Variants in SHISAL1 observed in about 807,000 individuals in gnomAD.
SHISAL1 encodes shisa like 1, also known as protein shisa-like-1.
In SHISAL1, 9 loss-of-function variants were observed where a neutral mutation model predicts 22.6. That is an observed-to-expected ratio of 0.40 (90% CI 0.24 to 0.70). SHISAL1 has a LOEUF of 0.70. SHISAL1 is among the 30% of genes least tolerant of loss of function. The pLI, the probability that SHISAL1 is intolerant of heterozygous loss-of-function variation, is 0.39. For missense variants in SHISAL1, 246 were observed against 270.6 expected (o/e 0.91, Z 0.64); for synonymous variants, 119 against 115.4 (o/e 1.03, Z -0.20).
At chr22:44,302,069 A>G (rs7291904) in intron 1 of SHISAL1, among the ~76,000 whole-genome samples, 122 of 152,254 alleles carry the variant, frequency 8.0e-4, no homozygotes, top group Non-Finnish European at 1.4e-3. Context: ...AGTGGCCCAC[A>G]CCACCCAGGC....
intron 1 of SHISAL1, among the ~76,000 whole-genome samples, chr22:44,304,066 C>T (rs1408789379): frequency 6.6e-6 from 1 of 152,230 alleles, no homozygotes; most frequent in African/African-American, 2.4e-5. Context: ...AGCCCCTCTG[C>T]ATGCCCAGAC....
At chr22:44,318,160 C>A in the SHISAL1 span, among the ~76,000 whole-genome samples, 2 of 152,392 alleles carry the variant, frequency 1.3e-5, no homozygotes, top group South Asian at 4.1e-4. Context: ...GTCCTCTCTG[C>A]AGGCCCGATG....
chr22:44,294,121 G>A (rs2055370601), intron 3 of SHISAL1, among the ~76,000 whole-genome samples: 1 of 152,200 alleles, frequency 6.6e-6, no homozygotes, highest in Non-Finnish European at 1.5e-5. Context: ...CACTACCCTC[G>A]TCTCTCAGGG....
intron 1 of SHISAL1, among the ~76,000 whole-genome samples, chr22:44,302,423 AT>A (rs397787699): frequency 3.3e-4 from 50 of 151,960 alleles, no homozygotes; most frequent in South Asian, 1.7e-3. Context: ...ATAAAAAAAA[AT>A]TTTTAATGTT....
At chr22:44,281,152 C>T (rs184685634) in intron 4 of SHISAL1, among the ~76,000 whole-genome samples, 4 of 152,228 alleles carry the variant, frequency 2.6e-5, no homozygotes, top group East Asian at 1.9e-4. Context: ...GACCAGGGCC[C>T]GCCACCTGAG....
At chr22:44,264,499 G>A (rs1254413609) in intron 4 of SHISAL1, among the ~76,000 whole-genome samples, 1 of 152,024 alleles carries the variant, frequency 6.6e-6, no homozygotes, top group African/African-American at 2.4e-5. Flanking sequence ...CTGCAAACCT[G>A]TCCTCCTTGC....
Position 44,295,466 on chromosome 22 carries a change from T to C in SHISAL1, c.281+1206A>G, listed in dbSNP as rs571982583. On this transcript the variant is annotated intron_variant, in intron 3 of 4. Coordinates refer to ENST00000381176, the MANE Select transcript of SHISAL1 (RefSeq NM_001099294.2). ...AGAAAACATGGTATTTTTAATGACCTCAGAGCAGGAAACACCTTTCTTAGT... is the reference window on the plus strand; with the variant it reads ...AGAAAACATGGTATTTTTAATGACCCCAGAGCAGGAAACACCTTTCTTAGT... 2.0e-5 allele frequency among the ~76,000 whole-genome samples: 3 copies of C among 151,206 alleles called. No homozygotes were observed. The South Asian group carries it at 6.3e-4, about 32-fold the overall frequency.
chr22:44,317,328 C>G (rs949094466), upstream of SHISAL1, among the ~76,000 whole-genome samples: 1 of 152,214 alleles, frequency 6.6e-6, no homozygotes, highest in East Asian at 1.9e-4. Flanking sequence ...CAAGCCAGGC[C>G]TGTCCTTACT....
intron 4 of SHISAL1, among the ~76,000 whole-genome samples, chr22:44,259,573 G>A (rs1405413224): frequency 2.6e-5 from 4 of 152,106 alleles, no homozygotes; most frequent in African/African-American, 7.2e-5. Context: ...AATGGGTTCC[G>A]AGAAGCACTT....
At chr22:44,277,586 G>T (rs754039426) in intron 4 of SHISAL1, among the ~76,000 whole-genome samples, 1 of 152,214 alleles carries the variant, frequency 6.6e-6, no homozygotes, top group Non-Finnish European at 1.5e-5. Flanking sequence ...ATGTGGAGGG[G>T]ATCCCTACAG....
At chr22:44,331,525 T>C in the SHISAL1 span, among the ~76,000 whole-genome samples, 1 of 149,558 alleles carries the variant, frequency 6.7e-6, no homozygotes, top group Non-Finnish European at 1.5e-5. The surrounding 1 kb of genome is among the most constrained non-coding windows in gnomAD (Gnocchi z 5.2). Flanking sequence ...GTTCCTCGCT[T>C]CGTAGCCGGG....
chr22:44,306,487 TGTGATGA>T (rs1349746115), intron 1 of SHISAL1, among the ~76,000 whole-genome samples: 2 of 135,176 alleles, frequency 1.5e-5, no homozygotes. Flanking sequence ...CTCAGGGAGC[TGTGATGA>T]CGATGGCATG....
Position 44,289,294 on chromosome 22 carries a change from T to C in SHISAL1, c.282-3549A>G, listed in dbSNP as rs199966815. ...ACCCAGGTCCCTCTCTGACTTCAAG[T>C]GAGCTGATCTTGGGGGAATTCCATG... On this transcript the variant is annotated intron_variant, in intron 3 of 4. Coordinates refer to ENST00000381176, the MANE Select transcript of SHISAL1 (RefSeq NM_001099294.2). 1.2e-4 allele frequency among the ~76,000 whole-genome samples: 19 copies of C among 152,256 alleles called. No homozygotes were observed. The East Asian group carries it at 3.5e-3, about 28-fold the overall frequency.
chr22:44,327,014 G>A, the SHISAL1 span, among the ~76,000 whole-genome samples: 1 of 152,104 alleles, frequency 6.6e-6, no homozygotes, highest in African/African-American at 2.4e-5. Flanking sequence ...TGGCCCTCAA[G>A]AATCCCCAGT....
At chr22:44,263,079 C>CTTTCTTTTTT (rs55901041) in intron 4 of SHISAL1, among the ~76,000 whole-genome samples, 28 of 88,264 alleles carry the variant, frequency 3.2e-4, no homozygotes, top group South Asian at 5.1e-4. Context: ...TTCTTTCTTT[C>CTTTCTTTTTT]TTTTTTTTTT....
chr22:44,274,592 G>A (rs1391407969), intron 4 of SHISAL1, among the ~76,000 whole-genome samples: 1 of 152,152 alleles, frequency 6.6e-6, no homozygotes, highest in Non-Finnish European at 1.5e-5. Context: ...CCCGCTGTAG[G>A]GAATCCCACA....
chr22:44,316,189 C>T (rs2055557657), upstream of SHISAL1, among the ~76,000 whole-genome samples: 1 of 152,184 alleles, frequency 6.6e-6, no homozygotes, highest in African/African-American at 2.4e-5. Context: ...GGACGTGGTG[C>T]ACCCTGGGGA....
At chr22:44,288,984 A>T (rs1272014798) in intron 3 of SHISAL1, among the ~76,000 whole-genome samples, 1 of 152,226 alleles carries the variant, frequency 6.6e-6, no homozygotes, top group African/African-American at 2.4e-5. Flanking sequence ...CTTAGGCTGT[A>T]AATACTGACA....
chr22:44,253,497 C>T (rs1326012041), intron 4 of SHISAL1, among the ~76,000 whole-genome samples: 3 of 146,660 alleles, frequency 2.0e-5, no homozygotes, highest in Admixed American at 7.0e-5. Flanking sequence ...GGTATGATCT[C>T]AGCTCACTGC....
Sources: allele counts gnomAD v4.1 joint callset (sites outside exome capture counted in the v4.1 genomes callset), GRCh38; gene constraint gnomAD v4.1.1; non-coding constraint Gnocchi (gnomAD v3.1); transcripts MANE v1.5; gene names NCBI Gene and HGNC (gene_info 2026-07-23, HGNC 2026-07-21).